TBC1D1: variants seen among roughly 807,000 people sequenced by gnomAD.
The protein encoded by TBC1D1 is TBC1 (tre-2/USP6, BUB2, cdc16) domain family, member 1.
Under a neutral mutation model 125.6 loss-of-function variants are expected in TBC1D1, and 89 were observed. The observed-to-expected ratio is 0.71, with a 90% CI of 0.60 to 0.85. The LOEUF is 0.85. TBC1D1 is among the 40% of genes least tolerant of loss of function. The pLI, the probability that TBC1D1 is intolerant of heterozygous loss-of-function variation, is 0.00. For missense variants in TBC1D1, 1,377 were observed against 1,469.2 expected (o/e 0.94, Z 1.03); for synonymous variants, 565 against 564.1 (o/e 1.00, Z -0.02).
At chr4:38,113,986 C>T (rs1166437515) in intron 15 of TBC1D1, among the ~76,000 whole-genome samples, 2 of 152,180 alleles carry the variant, frequency 1.3e-5, no homozygotes, top group South Asian at 2.1e-4. Flanking sequence ...GAAACTGTTA[C>T]ATCCTGCATG....
At chr4:38,062,994 T>TG (rs368758827) in intron 12 of TBC1D1, among the ~76,000 whole-genome samples, 95 of 152,306 alleles carry the variant, frequency 6.2e-4, no homozygotes, top group African/African-American at 2.2e-3. Flanking sequence ...CTACAGCACC[T>TG]GACAGCAGAT....
At chr4:38,105,968 C>A (rs1431394540) in intron 15 of TBC1D1, among the ~76,000 whole-genome samples, 1 of 152,148 alleles carries the variant, frequency 6.6e-6, no homozygotes, top group Non-Finnish European at 1.5e-5. Context: ...AATGGGATTG[C>A]AGGGTCGAAT....
chr4:37,950,068 C>T (rs2152316726), intron 2 of TBC1D1, among the ~76,000 whole-genome samples: 1 of 152,246 alleles, frequency 6.6e-6, no homozygotes, highest in East Asian at 1.9e-4. Flanking sequence ...AGACAAACTC[C>T]CTGTCCCAAA....
In TBC1D1 at chr4:37,977,333, G is replaced by T; in HGVS notation, c.418-37176G>T. 1 of 177,434 alleles carries T rather than the reference G, an allele frequency of 5.6e-6. No homozygotes were observed. Among genetic ancestry groups the T allele is most frequent in the Non-Finnish European group, 1.1e-5 (1 of 93,684 alleles). The allele number at this position is 177,434 out of a possible 1,614,324, so 11.0% of individuals were successfully genotyped here. A position where few individuals can be genotyped will look rare whatever the true frequency, so the allele number is the denominator to read the frequency against. ...CCGCCCCGCGGGCGCGACCTCTCGG[G>T]GCAGTGACGAACTGGGTGGAGCCCG... On this transcript the variant is annotated intron_variant, in intron 2 of 19. Coordinates refer to ENST00000261439, the MANE Select transcript of TBC1D1 (RefSeq NM_015173.4). This position sits in a 1 kb window ranked among gnomAD's most constrained non-coding sequence, Gnocchi z 4.3.
At chr4:38,043,982 A>C (rs1225878216) in intron 8 of TBC1D1, among the ~76,000 whole-genome samples, 1 of 152,238 alleles carries the variant, frequency 6.6e-6, no homozygotes, top group Non-Finnish European at 1.5e-5. Context: ...CTCACAACAC[A>C]GTGTTATGAT....
chr4:38,030,180 A>T (rs571683013), intron 7 of TBC1D1, among the ~76,000 whole-genome samples: 58 of 152,372 alleles, frequency 3.8e-4, no homozygotes, highest in African/African-American at 1.3e-3. Context: ...TAGGTAATAC[A>T]CAAAATATTC....
chr4:38,098,472 A>G (rs1300958705), intron 14 of TBC1D1, among the ~76,000 whole-genome samples: 1 of 152,158 alleles, frequency 6.6e-6, no homozygotes, highest in Non-Finnish European at 1.5e-5. Flanking sequence ...GCTAATAGAA[A>G]TACTCTAGGA....
At chr4:38,018,536 A>G in intron 4 of TBC1D1, 93 bp downstream of exon 4, 1 of 823,280 alleles carries the variant, frequency 1.2e-6, no homozygotes, top group Non-Finnish European at 1.9e-6. Flanking sequence ...AAAGGTTACA[A>G]GGTGTATGTT....
chr4:37,951,654 A>AT (rs1269744548), intron 2 of TBC1D1, among the ~76,000 whole-genome samples: 5 of 152,156 alleles, frequency 3.3e-5, no homozygotes, highest in African/African-American at 1.2e-4. Context: ...GGAAGAGGAG[A>AT]GGCGGTGACA....
chr4:37,909,244 T>A (rs1718025112), intron 2 of TBC1D1, among the ~76,000 whole-genome samples: 1 of 152,200 alleles, frequency 6.6e-6, no homozygotes, highest in Non-Finnish European at 1.5e-5. Context: ...AAGAAGGCAG[T>A]CTGAAGCTGT....
At chr4:38,096,980 C>G (rs1759459395) in intron 14 of TBC1D1, among the ~76,000 whole-genome samples, 1 of 152,100 alleles carries the variant, frequency 6.6e-6, no homozygotes, top group Non-Finnish European at 1.5e-5. Context: ...ACAATGATTT[C>G]TTTAAAAATA....
chr4:38,084,496 T>C (rs781609079), intron 12 of TBC1D1, among the ~76,000 whole-genome samples: 1 of 152,232 alleles, frequency 6.6e-6, no homozygotes, highest in Non-Finnish European at 1.5e-5. Context: ...GTAGTAGAGG[T>C]AAAGCTGCTC....
At chr4:38,045,926 G>A (rs758513133) in intron 10 of TBC1D1, 23 bp downstream of exon 10, 7 of 1,597,906 alleles carry the variant, frequency 4.4e-6, no homozygotes, top group African/African-American at 1.3e-5. Flanking sequence ...CTCTTTATAC[G>A]ACACCCTGAA....
intron 7 of TBC1D1, among the ~76,000 whole-genome samples, chr4:38,034,325 G>C (rs1004221017): frequency 6.6e-6 from 1 of 152,210 alleles, no homozygotes; most frequent in Non-Finnish European, 1.5e-5. Context: ...CTGGAGTCCA[G>C]GTTGAGAGTG....
intron 12 of TBC1D1, among the ~76,000 whole-genome samples, chr4:38,077,825 C>T (rs746081481): frequency 6.6e-6 from 1 of 152,056 alleles, no homozygotes; most frequent in Non-Finnish European, 1.5e-5. Context: ...CATGATAATC[C>T]AGGGACTCGG....
At chr4:38,107,589 T>TTG (rs1553939931) in intron 15 of TBC1D1, among the ~76,000 whole-genome samples, 15 of 144,532 alleles carry the variant, frequency 1.0e-4, no homozygotes, top group Middle Eastern at 3.7e-3. Flanking sequence ...TTTTTTTTTT[T>TTG]TTTTTTTTTT....
At chr4:38,019,728 C>T (rs557513732) in intron 4 of TBC1D1, among the ~76,000 whole-genome samples, 15 of 152,246 alleles carry the variant, frequency 9.9e-5, no homozygotes, top group African/African-American at 3.6e-4. Context: ...TTTTAAAACA[C>T]ATTTACATAT....
chr4:38,087,696 G>T (rs1757723666), intron 12 of TBC1D1, among the ~76,000 whole-genome samples: 2 of 151,634 alleles, frequency 1.3e-5, no homozygotes, highest in African/African-American at 2.4e-5. Flanking sequence ...ACAGAAATTA[G>T]CAGGGCATGG....
Position 38,104,250 on chromosome 4 carries a change from C to T in TBC1D1, c.2557+1093C>T, listed in dbSNP as rs536499643. ...CCATCTTATAGAAGGGCCTTGAGCA[C>T]CGTGGATTTTGGTGTCTGTGGGGAC... On this transcript the variant is annotated intron_variant, in intron 15 of 19. Transcript: ENST00000261439. 6.9e-4 allele frequency among the ~76,000 whole-genome samples: 104 copies of T among 151,652 alleles called. No homozygotes were observed. The Middle Eastern group carries it at 0.021, about 30-fold the overall frequency.
Sources: gnomAD v4.1 joint callset for allele counts (sites outside exome capture counted in the v4.1 genomes callset) on GRCh38, gnomAD v4.1.1 for gene constraint, Gnocchi (gnomAD v3.1) non-coding constraint, MANE v1.5 for transcripts, NCBI Gene and HGNC (gene_info 2026-07-23, HGNC 2026-07-21) for gene names.